KIAA1217: variants seen among roughly 807,000 people sequenced by gnomAD.
KIAA1217 encodes sickle tail protein homolog.
Under a neutral mutation model 163.9 loss-of-function variants are expected in KIAA1217, and 88 were observed. That is an observed-to-expected ratio of 0.54 (90% confidence interval 0.45 to 0.64). The LOEUF (loss-of-function observed/expected upper bound fraction) is 0.64, where lower values mean the gene tolerates loss of function less well. Ranked by LOEUF, KIAA1217 falls within the 30% of genes least tolerant of loss-of-function variation. The pLI is 0.00. For missense variants in KIAA1217, 2,372 were observed against 2,475.0 expected, an observed-to-expected ratio of 0.96 and a Z score of 0.88; for synonymous variants, 903 against 923.1, an observed-to-expected ratio of 0.98 and a Z score of 0.39.
chr10:24,083,490 A>G (rs2061600959), intron 2 of KIAA1217, among the ~76,000 whole-genome samples: 1 of 152,238 alleles, frequency 6.6e-6, no homozygotes, highest in South Asian at 2.1e-4. Flanking sequence ...ATTGCTTGCT[A>G]GCCTTGTGGC....
At chr10:24,047,427 T>C (rs572136824) in intron 2 of KIAA1217, among the ~76,000 whole-genome samples, 13 of 152,312 alleles carry the variant, frequency 8.5e-5, no homozygotes, top group Admixed American at 3.3e-4. Context: ...ATGTGGTTTA[T>C]GGGGAGAAGT....
intron 1 of KIAA1217, among the ~76,000 whole-genome samples, chr10:23,979,659 G>A (rs979841438): frequency 2.0e-5 from 3 of 152,256 alleles, no homozygotes; most frequent in Admixed American, 2.0e-4. Flanking sequence ...TCACAGGTGA[G>A]GTGTGCTTGT....
intron 1 of KIAA1217, among the ~76,000 whole-genome samples, chr10:23,851,713 C>T (rs1217159543): frequency 3.7e-4 from 56 of 152,070 alleles, no homozygotes; most frequent in Middle Eastern, 3.4e-3. Context: ...TTCTAACTGG[C>T]GTGAGATGGT....
chr10:24,509,603 G>A (rs1273813300), intron 9 of KIAA1217, among the ~76,000 whole-genome samples: 1 of 152,142 alleles, frequency 6.6e-6, no homozygotes, highest in Non-Finnish European at 1.5e-5. Flanking sequence ...AACAACATGG[G>A]GGTTGGGGTG....
chr10:24,256,017 T>C (rs537751277), intron 2 of KIAA1217, among the ~76,000 whole-genome samples: 22 of 132,144 alleles, frequency 1.7e-4, no homozygotes, highest in African/African-American at 6.5e-4. Context: ...GAAAGCCGAG[T>C]GCTGCCGATT....
intron 2 of KIAA1217, among the ~76,000 whole-genome samples, chr10:24,365,271 C>T (rs1006982285): frequency 6.6e-6 from 1 of 152,180 alleles, no homozygotes; most frequent in South Asian, 2.1e-4. Context: ...GGCAGACTCA[C>T]TGGGACTCCG....
rs7094464 is a variant in KIAA1217, at chr10:24,339,800, G to T, written c.355-41069G>T. On this transcript the variant is annotated intron_variant, in intron 2 of 20. Transcript: ENST00000376454. ...CCATTTAATTGCATTTAGGGACCAT[G>T]ATTATGAGGAGACATCTTTTACAAT... Among the ~76,000 whole-genome samples the T allele has an allele frequency of 4.6e-5, 7 of 152,300 alleles. No homozygotes were observed. The East Asian group carries it at 1.4e-3, about 29-fold the overall frequency.
intron 2 of KIAA1217, among the ~76,000 whole-genome samples, chr10:24,052,878 T>C (rs1849618144): frequency 6.6e-6 from 1 of 152,172 alleles, no homozygotes; most frequent in South Asian, 2.1e-4. Context: ...AATCTGCCTA[T>C]TAGATTACCC....
rs376278231 is a variant in KIAA1217, at chr10:24,527,905, G to T, written c.2899-31G>T. The T allele has an allele frequency of 2.5e-6, 4 of 1,586,800 alleles. No homozygotes were observed. In the South Asian group the frequency reaches 3.3e-5, roughly 13 times the overall value. On this transcript the variant is annotated intron_variant, in intron 13 of 20. Transcript: ENST00000376454. Reference sequence around the variant, plus strand: ...CCGTTGTTCTCCTCTATGTGTCCACGTAACTTCCTTTACGTGCTATATTCC... The same window carrying T: ...CCGTTGTTCTCCTCTATGTGTCCACTTAACTTCCTTTACGTGCTATATTCC...
intron 1 of KIAA1217, among the ~76,000 whole-genome samples, chr10:23,753,268 G>A (rs1833743173): frequency 6.6e-6 from 1 of 152,138 alleles, no homozygotes; most frequent in Admixed American, 6.5e-5. Flanking sequence ...AAGCTTTATA[G>A]AAAGAAAAGA....
At chr10:23,713,576 C>T (rs893674863) in intron 1 of KIAA1217, among the ~76,000 whole-genome samples, 1 of 152,058 alleles carries the variant, frequency 6.6e-6, no homozygotes, top group Non-Finnish European at 1.5e-5. Flanking sequence ...AGAAGTTATG[C>T]TCTAAAATAG....
intron 2 of KIAA1217, among the ~76,000 whole-genome samples, chr10:24,293,776 A>G (rs1480757469): frequency 6.6e-6 from 1 of 152,228 alleles, no homozygotes; most frequent in Non-Finnish European, 1.5e-5. Flanking sequence ...CACAGCTGAC[A>G]TGAAGGTTCT....
chr10:23,778,179 T>C lies in KIAA1217; in HGVS notation c.-321+82945T>C, dbSNP rs539267089. ...TGGTCTTGAACTCCTGACCTCGTGA[T>C]TCCCCCCCCTTCGGCCTCCCAAAGT... On this transcript the variant is annotated intron_variant, in intron 1 of 18. Coordinates refer to the KIAA1217 transcript ENST00000376462. Among the ~76,000 whole-genome samples the C allele has an allele frequency of 1.5e-4, 23 of 151,978 alleles. No individual in the cohort carries two copies. The South Asian group carries it at 2.7e-3, about 18-fold the overall frequency.
At chr10:23,896,914 T>A (rs771125629) in intron 1 of KIAA1217, among the ~76,000 whole-genome samples, 3 of 152,096 alleles carry the variant, frequency 2.0e-5, no homozygotes, top group Non-Finnish European at 2.9e-5. Context: ...TTAGAAACTC[T>A]AAGTGGACAC....
intron 2 of KIAA1217, among the ~76,000 whole-genome samples, chr10:24,102,471 T>C (rs2062453856): frequency 6.6e-6 from 1 of 152,206 alleles, no homozygotes; most frequent in Non-Finnish European, 1.5e-5. Flanking sequence ...CTTCCCAACT[T>C]GATGTATAGA....
At chr10:24,505,719 G>A (rs2068256571) in intron 9 of KIAA1217, among the ~76,000 whole-genome samples, 1 of 152,088 alleles carries the variant, frequency 6.6e-6, no homozygotes, top group South Asian at 2.1e-4. Flanking sequence ...AAATTGGGTT[G>A]TTCATTACAT....
chr10:23,904,448 C>A (rs1182027025), intron 1 of KIAA1217, among the ~76,000 whole-genome samples: 1 of 152,132 alleles, frequency 6.6e-6, no homozygotes, highest in Admixed American at 6.5e-5. Flanking sequence ...CAAAAAACTC[C>A]AAAATATTTT....
At position 24,513,432 on chromosome 10, in the gene KIAA1217, G is replaced by A; in HGVS notation, c.2175G>A (p.Leu725=). The A allele has an allele frequency of 6.2e-7, 1 of 1,613,960 alleles. No individual in the cohort carries two copies. The highest frequency in any genetic ancestry group is 8.5e-7 in the Non-Finnish European group (1 of 1,179,862). ...AGGAAGAGAAGATCGTCAAGAAGTT[G>A]TGGTGAGTGCCAGTCACTTGCATGT... ...LHEEEKIVKK[L]CELEDFVEDL... The change falls in exon 10 of 21, where the codon TTG becomes TTA. Residue 725 remains leucine (L), a splice_region_variant and synonymous_variant. Transcript: ENST00000376454.
At chr10:24,247,408 G>T (rs2073948083) in intron 2 of KIAA1217, among the ~76,000 whole-genome samples, 2 of 152,098 alleles carry the variant, frequency 1.3e-5, no homozygotes, top group Admixed American at 1.3e-4. Flanking sequence ...GGGATTATAG[G>T]CATGAGCTAC....
Sources: gnomAD v4.1 joint callset for allele counts (sites outside exome capture counted in the v4.1 genomes callset) on GRCh38, gnomAD v4.1.1 for gene constraint, MANE v1.5 for transcripts, NCBI Gene and HGNC (gene_info 2026-07-23, HGNC 2026-07-21) for gene names.